The following TM9SF4 variants were observed in gnomAD, a reference collection of about 807,000 sequenced individuals.
TM9SF4 encodes transmembrane 9 superfamily member 4.
Under a neutral mutation model 90.4 loss-of-function variants are expected in TM9SF4, and 26 were observed. That is an observed-to-expected ratio of 0.29 (90% CI 0.21 to 0.40). TM9SF4 has a LOEUF of 0.40. Ranked by LOEUF, TM9SF4 falls within the 10% of genes least tolerant of loss-of-function variation. The pLI, the probability that TM9SF4 is intolerant of heterozygous loss-of-function variation, is 1.00. For missense variants in TM9SF4, 549 were observed against 834.8 expected, an observed-to-expected ratio of 0.66 and a Z score of 4.22; for synonymous variants, 293 against 315.4, an observed-to-expected ratio of 0.93 and a Z score of 0.75.
intron 17 of TM9SF4, 116 bp downstream of exon 17, chr20:32,161,481 G>A: frequency 1.1e-6 from 1 of 882,356 alleles, no homozygotes; most frequent in Non-Finnish European, 1.8e-6. Context: ...AGAATGGGGA[G>A]GACCAAAGCC....
At chr20:32,149,920 A>G (rs2046817711) in intron 10 of TM9SF4, among the ~76,000 whole-genome samples, 154 bp downstream of exon 10, 2 of 152,124 alleles carry the variant, frequency 1.3e-5, no homozygotes, top group African/African-American at 4.8e-5. Flanking sequence ...CAGGCCGTCT[A>G]TCTCAGCAAC....
Position 32,158,063 on chromosome 20 carries a change from G to A in TM9SF4, c.1505+94G>A, listed in dbSNP as rs1440529102. ...GGGTGCGGCAACCAGAGTTCCTGCC[G>A]CTTCAGCCGGCTCTAATAGAGTTTA... On this transcript the variant is annotated intron_variant, in intron 14 of 17. Coordinates refer to ENST00000398022, the MANE Select transcript of TM9SF4 (RefSeq NM_014742.4). 2.8e-5 allele frequency: 42 copies of A among 1,498,008 alleles called. No individual in the cohort carries two copies. The Middle Eastern group carries it at 7.1e-4, about 25-fold the overall frequency. 92.8% of individuals were successfully genotyped at this position (1,498,008 alleles called of 1,614,324 possible). A position where few individuals can be genotyped will look rare whatever the true frequency, so the allele number is the denominator to read the frequency against.
chr20:32,156,608 TTTTG>T lies in TM9SF4; in HGVS notation c.1330-1174_1330-1171del, dbSNP rs1231961223. Among the ~76,000 whole-genome samples the T allele has an allele frequency of 2.0e-5, 3 of 152,340 alleles. No homozygotes were observed. In the East Asian group the frequency reaches 5.8e-4, roughly 29 times the overall value. ...GTTTTTTAATTTGTATTGTTGTATTTTTTGTTTGTTTGTTTTGAGACAGGGTCTC... is the reference window on the plus strand; with the variant it reads ...GTTTTTTAATTTGTATTGTTGTATTTTTTGTTTGTTTTGAGACAGGGTCTC... On this transcript the variant is annotated intron_variant, in intron 13 of 17. Coordinates refer to ENST00000398022, the MANE Select transcript of TM9SF4 (RefSeq NM_014742.4).
Position 32,132,682 on chromosome 20 carries a change from AT to A in TM9SF4, c.16-328del, listed in dbSNP as rs1569068718. Among the ~76,000 whole-genome samples the A allele has an allele frequency of 3.3e-5, 5 of 152,304 alleles. No homozygotes were observed. The East Asian group carries it at 9.6e-4, about 29-fold the overall frequency. On this transcript the variant is annotated intron_variant, in intron 1 of 17. Transcript: ENST00000398022. ...AATTAATTAAATGTCCTGGAGCTTT[AT>A]TTCCTGCCAGCTATCCTGGGAGTTA...
At chr20:32,152,398 C>G (rs889867476) in intron 12 of TM9SF4, among the ~76,000 whole-genome samples, 24 of 151,364 alleles carry the variant, frequency 1.6e-4, no homozygotes, top group African/African-American at 5.3e-4. Context: ...TCCAGGCCCC[C>G]CAAGCCAGAA....
intron 3 of TM9SF4, 28 bp downstream of exon 3, chr20:32,136,201 A>G (rs1214764198): frequency 3.7e-6 from 6 of 1,605,972 alleles, no homozygotes; most frequent in Middle Eastern, 1.6e-4. Context: ...ACTGCTGTCA[A>G]CTTGTCCCCA....
chr20:32,133,811 A>G (rs6121353), intron 2 of TM9SF4, among the ~76,000 whole-genome samples: 1 of 151,912 alleles, frequency 6.6e-6, no homozygotes, highest in Non-Finnish European at 1.5e-5. Context: ...TTCAAACCCC[A>G]TCTCTATTTA....
At chr20:32,131,491 T>TGTGG (rs1040860394) in intron 1 of TM9SF4, among the ~76,000 whole-genome samples, 5 of 151,660 alleles carry the variant, frequency 3.3e-5, no homozygotes, top group Admixed American at 3.3e-4. Flanking sequence ...AGTGTGTGTG[T>TGTGG]GTGTGTGTGT....
At chr20:32,129,214 C>T (rs2046473102) in intron 1 of TM9SF4, among the ~76,000 whole-genome samples, 1 of 152,064 alleles carries the variant, frequency 6.6e-6, no homozygotes, top group African/African-American at 2.4e-5. Context: ...AATGTATCGG[C>T]CAGGTGCAGT....
At position 32,141,638 on chromosome 20, in the gene TM9SF4, G is replaced by A. The variant is rs199931289; in HGVS notation, c.371G>A (p.Arg124Gln). The change falls in exon 4 of 18, where the codon CGG (arginine) becomes CAG (glutamine). Residue 124 changes from arginine (R) to glutamine (Q), a missense_variant. By Grantham distance (43) the Arg-to-Gln change is conservative. Transcript: ENST00000398022. ...GAGCAGAGCCGACTCGTGGCCGAGCGGATCACAGAAGACTACTACGTCCAC... is the reference window on the plus strand; with the variant it reads ...GAGCAGAGCCGACTCGTGGCCGAGCAGATCACAGAAGACTACTACGTCCAC... ...TVEQSRLVAERITEDYYVHLI... is the reference protein window; with the variant it reads ...TVEQSRLVAEQITEDYYVHLI... 19 of 1,614,128 alleles carry A rather than the reference G, an allele frequency of 1.2e-5. No individual in the cohort carries two copies. The highest frequency in any genetic ancestry group is 1.3e-5 in the African/African-American group (1 of 75,040).
chr20:32,141,571 G>A lies in TM9SF4; in HGVS notation c.304G>A (p.Val102Ile), dbSNP rs1402606967. The change falls in exon 4 of 18, where the codon GTT (valine) becomes ATT (isoleucine). Residue 102 changes from valine to isoleucine, a missense_variant. This residue lies in a region of TM9SF4 where 495 missense variants were observed against 711.7 expected (regional missense o/e 0.70). Coordinates refer to ENST00000398022, the MANE Select transcript of TM9SF4 (RefSeq NM_014742.4). ...CATGAACAGCGAGAAGAAGTGTGAA[G>A]TTCTGTGCAGCCAGTCCAACAAGCC... Reference protein sequence around the residue: ...VLMNSEKKCEVLCSQSNKPVT... With the variant: ...VLMNSEKKCEILCSQSNKPVT... 6.2e-7 allele frequency: 1 copy of A among 1,614,018 alleles called. No individual in the cohort carries two copies. Among genetic ancestry groups the A allele is most frequent in the African/African-American group, 1.3e-5 (1 of 74,910 alleles).
intron 7 of TM9SF4, 30 bp downstream of exon 7, chr20:32,145,239 G>A (rs1275330654): frequency 3.7e-6 from 6 of 1,613,376 alleles, no homozygotes; most frequent in Non-Finnish European, 5.1e-6. Context: ...CATGGGCAGG[G>A]GAGGAGGGCT....
chr20:32,124,584 TA>T (rs2046391432), intron 1 of TM9SF4, among the ~76,000 whole-genome samples: 1 of 133,048 alleles, frequency 7.5e-6, no homozygotes, highest in East Asian at 2.9e-4. Flanking sequence ...GAAGTTCTTT[TA>T]AAAACTTTTT....
intron 17 of TM9SF4, 106 bp from the exon 18 acceptor site, chr20:32,165,189 G>A: frequency 6.7e-7 from 1 of 1,497,004 alleles, no homozygotes; most frequent in South Asian, 1.2e-5. Flanking sequence ...CCCTTCCCCT[G>A]GCCAGGCCTC....
At chr20:32,151,119 A>G (rs901442441) in intron 12 of TM9SF4, among the ~76,000 whole-genome samples, 5 of 152,076 alleles carry the variant, frequency 3.3e-5, no homozygotes, top group Non-Finnish European at 5.9e-5. Flanking sequence ...AACTTAGGTC[A>G]TTTTTAGCTG....
chr20:32,145,471 G>A (rs2046750756), intron 8 of TM9SF4, 48 bp downstream of exon 8: 1 of 1,542,754 alleles, frequency 6.5e-7, no homozygotes, highest in African/African-American at 1.4e-5. Context: ...TTGGGGTTGA[G>A]GGACTGAGAC....
intron 1 of TM9SF4, among the ~76,000 whole-genome samples, chr20:32,121,129 T>C (rs34627863): frequency 0.11 from 16,697 of 152,122 alleles, 1,155 homozygotes; most frequent in East Asian, 0.18. Flanking sequence ...ACGTGGTTTT[T>C]AAAAATTTAT....
intron 1 of TM9SF4, 53 bp downstream of exon 1, chr20:32,109,808 T>G: frequency 6.4e-7 from 1 of 1,551,154 alleles, no homozygotes; most frequent in Non-Finnish European, 8.7e-7. Context: ...CTCCGGGGTA[T>G]CCCAGGATCT....
chr20:32,149,220 T>A (rs2046806855), intron 9 of TM9SF4, among the ~76,000 whole-genome samples: 2 of 152,252 alleles, frequency 1.3e-5, no homozygotes, highest in African/African-American at 4.8e-5. Flanking sequence ...GTATTACTTT[T>A]TGTTCATTTG....
Sources: gnomAD v4.1 joint callset for allele counts (sites outside exome capture counted in the v4.1 genomes callset) on GRCh38, gnomAD v4.1.1 for gene constraint, gnomAD v4.1.1 regional missense constraint, MANE v1.5 for transcripts, NCBI Gene and HGNC (gene_info 2026-07-23, HGNC 2026-07-21) for gene names.